Variants in SLC24A2 observed in about 807,000 individuals in gnomAD.
The protein encoded by SLC24A2 is solute carrier family 24 member 2.
SLC24A2 carries 36 observed loss-of-function variants against 62.0 expected under a neutral mutation model. The observed-to-expected ratio is 0.58, with a 90% CI of 0.44 to 0.77. The LOEUF is 0.77. Among genes scored for constraint, SLC24A2 ranks in the 30% least tolerant of loss-of-function variants. The pLI, the probability that SLC24A2 is intolerant of heterozygous loss-of-function variation, is 0.00. For missense variants in SLC24A2, 846 were observed against 817.9 expected (o/e 1.03, Z -0.42); for synonymous variants, 358 against 294.0 (o/e 1.22, Z -2.23).
intron 1 of SLC24A2, among the ~76,000 whole-genome samples, chr9:19,787,930 T>C (rs988401731): frequency 6.6e-6 from 1 of 152,186 alleles, no homozygotes; most frequent in Admixed American, 6.5e-5. Context: ...AGGTTAGATA[T>C]CCAAAGCAGA....
intron 7 of SLC24A2, among the ~76,000 whole-genome samples, chr9:19,568,618 GTCACT>G (rs1300304890): frequency 6.6e-6 from 1 of 152,236 alleles, no homozygotes; most frequent in African/African-American, 2.4e-5. Context: ...AACAGGTTAA[GTCACT>G]TTTCCAGGGT....
the SLC24A2 span, among the ~76,000 whole-genome samples, chr9:20,228,389 T>G: frequency 1.3e-5 from 2 of 152,002 alleles, no homozygotes; most frequent in African/African-American, 4.8e-5. Context: ...CAGCTCCCAG[T>G]TGCACTCACA....
At chr9:20,109,737 A>G in the SLC24A2 span, among the ~76,000 whole-genome samples, 1 of 152,152 alleles carries the variant, frequency 6.6e-6, no homozygotes, top group African/African-American at 2.4e-5. Context: ...GTCATAAATC[A>G]TGGCCATGAG....
the SLC24A2 span, among the ~76,000 whole-genome samples, chr9:19,910,626 G>A: frequency 6.6e-6 from 1 of 152,076 alleles, no homozygotes; most frequent in Non-Finnish European, 1.5e-5. Context: ...CTTGGTATGT[G>A]TATGTACTTA....
intron 8 of SLC24A2, among the ~76,000 whole-genome samples, chr9:19,542,406 C>A (rs1234917918): frequency 6.6e-6 from 1 of 152,204 alleles, no homozygotes; most frequent in African/African-American, 2.4e-5. Flanking sequence ...TTGACTTCCT[C>A]TTTTCCTAAT....
At chr9:19,873,667 C>A in the SLC24A2 span, among the ~76,000 whole-genome samples, 2 of 151,892 alleles carry the variant, frequency 1.3e-5, no homozygotes, top group Non-Finnish European at 2.9e-5. Context: ...AGAAGCTTCA[C>A]CTCCTAAAAG....
the SLC24A2 span, among the ~76,000 whole-genome samples, chr9:20,290,649 G>T: frequency 2.0e-5 from 3 of 152,254 alleles, no homozygotes. Context: ...TTGCTGCAGG[G>T]TGAGGGGAAA....
chr9:19,559,525 C>A (rs1278663422), intron 7 of SLC24A2, among the ~76,000 whole-genome samples: 1 of 152,158 alleles, frequency 6.6e-6, no homozygotes, highest in African/African-American at 2.4e-5. Context: ...ATTGTGACAT[C>A]TTAATTCTGT....
chr9:20,305,102 G>A, the SLC24A2 span, among the ~76,000 whole-genome samples: 3 of 149,080 alleles, frequency 2.0e-5, no homozygotes, highest in Non-Finnish European at 1.5e-5. Flanking sequence ...TACCAAATAG[G>A]ATAATACCTT....
the SLC24A2 span, among the ~76,000 whole-genome samples, chr9:20,074,808 T>C: frequency 6.6e-6 from 1 of 152,128 alleles, no homozygotes; most frequent in East Asian, 1.9e-4. Context: ...TTTTCTAACA[T>C]TCTAAATTAT....
At chr9:19,885,981 C>G in the SLC24A2 span, among the ~76,000 whole-genome samples, 5 of 152,142 alleles carry the variant, frequency 3.3e-5, no homozygotes, top group African/African-American at 4.8e-5. Context: ...ACCACATTCT[C>G]TTCAGCCAGT....
chr9:20,020,038 T>G, the SLC24A2 span, among the ~76,000 whole-genome samples: 1 of 152,156 alleles, frequency 6.6e-6, no homozygotes, highest in African/African-American at 2.4e-5. Flanking sequence ...CTCACACCAG[T>G]TAGAATGGCA....
chr9:19,536,274 A>C (rs945255628), intron 8 of SLC24A2, among the ~76,000 whole-genome samples: 3 of 150,516 alleles, frequency 2.0e-5, no homozygotes, highest in Non-Finnish European at 2.9e-5. Flanking sequence ...ATATGTATAC[A>C]TGTGCCATGC....
At chr9:19,802,637 CCAT>C in the SLC24A2 span, among the ~76,000 whole-genome samples, 1 of 151,966 alleles carries the variant, frequency 6.6e-6, no homozygotes. Flanking sequence ...TTATTAAAAA[CCAT>C]CAAGAATGGG....
the SLC24A2 span, among the ~76,000 whole-genome samples, chr9:19,831,163 C>T: frequency 6.6e-6 from 1 of 152,178 alleles, no homozygotes; most frequent in Non-Finnish European, 1.5e-5. Context: ...GATACTATTG[C>T]ATTGGGGATT....
At chr9:19,744,352 T>C (rs1821767239) in intron 2 of SLC24A2, among the ~76,000 whole-genome samples, 1 of 152,194 alleles carries the variant, frequency 6.6e-6, no homozygotes, top group Non-Finnish European at 1.5e-5. Context: ...CTTCTTCCTC[T>C]TTCTGGTCCT....
intron 7 of SLC24A2, among the ~76,000 whole-genome samples, chr9:19,555,041 C>T (rs1835014633): frequency 6.6e-6 from 1 of 152,110 alleles, no homozygotes; most frequent in African/African-American, 2.4e-5. Flanking sequence ...TAACACTAGA[C>T]TAGGTGTCAA....
At chr9:20,232,754 T>A in the SLC24A2 span, among the ~76,000 whole-genome samples, 24 of 152,324 alleles carry the variant, frequency 1.6e-4, no homozygotes, top group African/African-American at 5.3e-4. Context: ...GTTCTGATCT[T>A]AGTTATTTCT....
the SLC24A2 span, among the ~76,000 whole-genome samples, chr9:20,295,331 T>C: frequency 6.6e-6 from 1 of 152,322 alleles, no homozygotes; most frequent in South Asian, 2.1e-4. Flanking sequence ...ATTAGTTTCA[T>C]CATCTTAGGC....
Sources: allele counts gnomAD v4.1 joint callset (sites outside exome capture counted in the v4.1 genomes callset), GRCh38; gene constraint gnomAD v4.1.1; transcripts MANE v1.5; gene names NCBI Gene and HGNC (gene_info 2026-07-23, HGNC 2026-07-21).